PYCR1: variants seen among roughly 807,000 people sequenced by gnomAD.
PYCR1 encodes pyrroline-5-carboxylate reductase 1, mitochondrial.
Under a neutral mutation model 22.9 loss-of-function variants are expected in PYCR1, and 19 were observed. The ratio of observed to expected loss-of-function variants is 0.83; its 90% CI spans 0.58 to 1.22. PYCR1 has a LOEUF of 1.22. Among genes scored for constraint, PYCR1 ranks in the 50% most tolerant of loss-of-function variants. The probability of loss-of-function intolerance (pLI) is 0.00; values close to 1 mark genes in which losing one functional copy is unlikely to be tolerated. For synonymous variants in PYCR1, 175 were observed against 180.5 expected, an observed-to-expected ratio of 0.97 and a Z score of 0.24; for missense variants, 429 against 431.3, an observed-to-expected ratio of 0.99 and a Z score of 0.05.
chr17:81,935,902 G>A (rs987534025), intron 2 of PYCR1, among the ~76,000 whole-genome samples: 2 of 152,184 alleles, frequency 1.3e-5, no homozygotes, highest in African/African-American at 4.8e-5. Context: ...CTTTAACCCT[G>A]TGCAGGGAAC....
In PYCR1 at chr17:81,932,732, C is replaced by A; in HGVS notation, c.*482G>T. The A allele has an allele frequency of 1.7e-6, 2 of 1,195,446 alleles. No individual in the cohort carries two copies. Among genetic ancestry groups the A allele is most frequent in the Non-Finnish European group, 2.4e-6 (2 of 846,672 alleles). 74.1% of individuals were successfully genotyped at this position (1,195,446 alleles called of 1,614,324 possible). ...AGCCAAGAGGGGCTGTGGCCCTTCA[C>A]GCTGGACTTGGGATGCCTGGACCCT... On this transcript the variant is annotated 3_prime_UTR_variant, in exon 7 of 7. Transcript: ENST00000329875.
rs1418540257 is a variant in PYCR1, at chr17:81,934,728, A to G, written c.558T>C (p.Asp186=). 2.6e-6 allele frequency: 4 copies of G among 1,559,854 alleles called. No homozygotes were observed. In the South Asian group the frequency reaches 3.5e-5, roughly 14 times the overall value. ...SGPAYAFTAL[D]ALADGGVKMG... ...TCTTCACACCCCCATCAGCCAGGGC[A>G]TCCAGGGCTGTGAATGCCTGTGGGG... The change falls in exon 5 of 7, where the codon GAT becomes GAC. Residue 186 remains aspartate, a synonymous_variant. Transcript: ENST00000329875.
chr17:81,937,207 C>G lies in PYCR1; in HGVS notation c.-393G>C, dbSNP rs750418726. 9 of 1,479,790 alleles carry G rather than the reference C, an allele frequency of 6.1e-6. No homozygotes were observed. The South Asian group carries it at 1.2e-4, about 19-fold the overall frequency. 91.7% of individuals were successfully genotyped at this position (1,479,790 alleles called of 1,614,324 possible). A position where few individuals can be genotyped will look rare whatever the true frequency, so the allele number is the denominator to read the frequency against. On this transcript the variant is annotated 5_prime_UTR_variant, in exon 1 of 7. Coordinates refer to ENST00000329875, the MANE Select transcript of PYCR1 (RefSeq NM_006907.4). ...TCGCGCCCCACCCGGCGACCGCCGCCCACCATTCCCGGAGCCCGACCCCAA... is the reference window on the plus strand; with the variant it reads ...TCGCGCCCCACCCGGCGACCGCCGCGCACCATTCCCGGAGCCCGACCCCAA...
Position 81,935,339 on chromosome 17 carries a change from T to C in PYCR1, c.316A>G (p.Lys106Glu). The C allele has an allele frequency of 6.2e-7, 1 of 1,612,050 alleles. No homozygotes were observed. The highest frequency in any genetic ancestry group is 8.5e-7 in the Non-Finnish European group (1 of 1,180,000). Residue 106 changes from lysine to glutamate, a missense_variant and splice_region_variant, in exon 3 of 7, where the codon AAG (lysine) becomes GAG (glutamate). Coordinates refer to ENST00000329875, the MANE Select transcript of PYCR1 (RefSeq NM_006907.4). Reference sequence around the variant, plus strand: ...CCCCACTGGGCCTGCGGTGCTACCTTCTCAATGGAGCTGATGGTGACGCCG... The same window carrying C: ...CCCCACTGGGCCTGCGGTGCTACCTCCTCAATGGAGCTGATGGTGACGCCG... ...AAGVTISSIEKKLSAFRPAPR... is the reference protein window; with the variant it reads ...AAGVTISSIEEKLSAFRPAPR...
chr17:81,932,858 A>G lies in PYCR1; in HGVS notation c.*356T>C. On this transcript the variant is annotated 3_prime_UTR_variant, in exon 7 of 7. Transcript: ENST00000329875. ...TCCCACCTCTGCTGAGCCTTCACAGAGGGGGTCCTTGACCTTTGCTCTCAG... is the reference window on the plus strand; with the variant it reads ...TCCCACCTCTGCTGAGCCTTCACAGGGGGGGTCCTTGACCTTTGCTCTCAG... 1 of 1,600,906 alleles carries G rather than the reference A, an allele frequency of 6.2e-7. No individual in the cohort carries two copies. The highest frequency in any genetic ancestry group is 8.5e-7 in the Non-Finnish European group (1 of 1,174,584).
rs138195513 is a variant in PYCR1 at position 81,935,137 on chromosome 17, G to T, written c.329C>A (p.Ala110Glu). 1.2e-6 allele frequency: 2 copies of T among 1,607,348 alleles called. No individual in the cohort carries two copies. Among genetic ancestry groups the T allele is most frequent in the Admixed American group, 3.3e-5 (2 of 59,936 alleles). ...GATGACCCTGGGGGCTGGCCGAAACGCTGACAGCTTCTGGAAGAGAAACCA... is the reference window on the plus strand; with the variant it reads ...GATGACCCTGGGGGCTGGCCGAAACTCTGACAGCTTCTGGAAGAGAAACCA... ...TISSIEKKLSAFRPAPRVIRC... is the reference protein window; with the variant it reads ...TISSIEKKLSEFRPAPRVIRC... Residue 110 changes from alanine (A) to glutamate (E), a missense_variant, in exon 4 of 7, where the codon GCG becomes GAG. By Grantham distance (107) the Ala-to-Glu change is moderately radical (BLOSUM62 -1). Transcript: ENST00000329875.
chr17:81,936,415 C>T (rs576577781), intron 1 of PYCR1, among the ~76,000 whole-genome samples: 2 of 152,176 alleles, frequency 1.3e-5, no homozygotes, highest in East Asian at 1.9e-4. Context: ...TTAGTAGAGA[C>T]GGGGTTTCAC....
At chr17:81,935,169 C>G (rs141647698) in intron 3 of PYCR1, 22 bp from the exon 4 acceptor site, 2 of 1,594,878 alleles carry the variant, frequency 1.3e-6, no homozygotes, top group African/African-American at 1.3e-5. Context: ...ACCAGCGTGT[C>G]CGTCTGGCCA....
intron 2 of PYCR1, among the ~76,000 whole-genome samples, chr17:81,935,740 A>T (rs901272310): frequency 6.6e-6 from 1 of 152,140 alleles, no homozygotes; most frequent in Non-Finnish European, 1.5e-5. Flanking sequence ...AGGACCCTCC[A>T]TCCATGCCAC....
intron 5 of PYCR1, 32 bp from the exon 6 acceptor site, chr17:81,934,521 G>A (rs1451121944): frequency 1.9e-6 from 3 of 1,569,420 alleles, no homozygotes; most frequent in Non-Finnish European, 2.6e-6. Flanking sequence ...ACGGCTGTGG[G>A]CACGCACCTG....
rs1239711178 is a variant in PYCR1 at position 81,936,836 on chromosome 17, C to T, written c.-22G>A. 2 of 1,600,604 alleles carry T rather than the reference C, an allele frequency of 1.2e-6. No individual in the cohort carries two copies. Among genetic ancestry groups the T allele is most frequent in the Non-Finnish European group, 1.7e-6 (2 of 1,174,976 alleles). Reference sequence around the variant, plus strand: ...TCATGCTGTCCGGAGACCCCTGGCCCAAAGCCCCCACAGATGGCACCGGCT... The same window carrying T: ...TCATGCTGTCCGGAGACCCCTGGCCTAAAGCCCCCACAGATGGCACCGGCT... On this transcript the variant is annotated 5_prime_UTR_variant, in exon 1 of 7. Transcript: ENST00000329875.
At chr17:81,936,241 T>C (rs1319981887) in intron 1 of PYCR1, 48 bp from the exon 2 acceptor site, 2 of 1,589,606 alleles carry the variant, frequency 1.3e-6, no homozygotes, top group African/African-American at 2.7e-5. Context: ...TTTTTTTTTT[T>C]TTGAGACGGA....
chr17:81,932,906 A>G lies in PYCR1; in HGVS notation c.*308T>C, dbSNP rs771922097. Reference sequence around the variant, plus strand: ...CAGGAAGGAGCCCGTGCCAGCTGATACTGGAGTAGGAGTGGGTGAAGACCC... The same window carrying G: ...CAGGAAGGAGCCCGTGCCAGCTGATGCTGGAGTAGGAGTGGGTGAAGACCC... On this transcript the variant is annotated 3_prime_UTR_variant, in exon 7 of 7. Coordinates refer to ENST00000329875, the MANE Select transcript of PYCR1 (RefSeq NM_006907.4). 6.2e-7 allele frequency: 1 copy of G among 1,611,596 alleles called. No homozygotes were observed. Among genetic ancestry groups the G allele is most frequent in the Non-Finnish European group, 8.5e-7 (1 of 1,179,316 alleles).
chr17:81,936,022 C>A (rs564843930), intron 2 of PYCR1, 101 bp downstream of exon 2: 2 of 1,352,500 alleles, frequency 1.5e-6, no homozygotes, highest in East Asian at 2.3e-5. Flanking sequence ...CAGCCCAGGG[C>A]CCCTGCCCTC....
At position 81,933,430 on chromosome 17, in the gene PYCR1, G is replaced by A; in HGVS notation, c.798-54C>T. On this transcript the variant is annotated intron_variant, in intron 6 of 6. Transcript: ENST00000329875. ...GAGCACAAGCGTGCACCCAGGAAGA[G>A]GGAGTGAAGCCCACAGCTCCCAGTG... 18 of 1,602,710 alleles carry A rather than the reference G, an allele frequency of 1.1e-5. 1 individual carries two copies. In the South Asian group the frequency reaches 1.9e-4, roughly 17 times the overall value.
intron 6 of PYCR1, 56 bp from the exon 7 acceptor site, chr17:81,933,432 G>C: frequency 6.2e-7 from 1 of 1,600,360 alleles, no homozygotes; most frequent in Non-Finnish European, 8.5e-7. Flanking sequence ...CAGGAAGAGG[G>C]AGTGAAGCCC....
In PYCR1 at chr17:81,936,138, T is replaced by C. The variant is rs754763384; in HGVS notation, c.123A>G (p.Thr41=). The C allele has an allele frequency of 3.1e-6, 5 of 1,613,722 alleles. No homozygotes were observed. Among genetic ancestry groups the C allele is most frequent in the Non-Finnish European group, 4.2e-6 (5 of 1,179,844 alleles). The change falls in exon 2 of 7, where the codon ACA becomes ACG. Residue 41 remains threonine (T), a synonymous_variant. Transcript: ENST00000329875. ...MASSPDMDLA[T]VSALRKMGVK... is the part of the protein sequence containing the mutation. ...CTGCACCTACCCTGAGAGCAGAAAC[T>C]GTGGCCAGGTCCATGTCTGGGGAGC... is the stretch of plus-strand genomic sequence containing the variant.
chr17:81,936,658 C>T, intron 1 of PYCR1, 90 bp downstream of exon 1: 1 of 1,429,938 alleles, frequency 7.0e-7, no homozygotes, highest in Non-Finnish European at 9.6e-7. Context: ...CCTTGTGACC[C>T]AGCACCCACC....
chr17:81,934,251 G>A, intron 6 of PYCR1, 75 bp downstream of exon 6: 1 of 1,577,102 alleles, frequency 6.3e-7, no homozygotes, highest in Non-Finnish European at 8.6e-7. Flanking sequence ...GTGCGTGAAT[G>A]AGCAGATGTG....
Sources: gnomAD v4.1 joint callset for allele counts (sites outside exome capture counted in the v4.1 genomes callset) on GRCh38, gnomAD v4.1.1 for gene constraint, MANE v1.5 for transcripts, NCBI Gene and HGNC (gene_info 2026-07-23, HGNC 2026-07-21) for gene names.